Variants in AFF4 observed in about 807,000 individuals in gnomAD.
AFF4 encodes AF4/FMR2 family member 4.
In AFF4, 13 loss-of-function variants were observed where a neutral mutation model predicts 124.8. The ratio of observed to expected loss-of-function variants is 0.10; its 90% CI spans 0.07 to 0.17. AFF4 has a LOEUF of 0.17. Among genes scored for constraint, AFF4 ranks in the 10% least tolerant of loss-of-function variants. The pLI is 1.00. For missense variants in AFF4, 1,092 were observed against 1,403.8 expected, an observed-to-expected ratio of 0.78 and a Z score of 3.55; for synonymous variants, 477 against 496.1, an observed-to-expected ratio of 0.96 and a Z score of 0.51.
chr5:132,914,535 A>G (rs1760865330), intron 5 of AFF4, among the ~76,000 whole-genome samples: 1 of 151,726 alleles, frequency 6.6e-6, no homozygotes, highest in Admixed American at 6.6e-5. Context: ...CGGAAGGTGG[A>G]GGTTGCAGTG....
chr5:132,953,366 A>G (rs940521276), intron 1 of AFF4, among the ~76,000 whole-genome samples: 5 of 151,982 alleles, frequency 3.3e-5, no homozygotes, highest in African/African-American at 9.7e-5. Context: ...CAGCCTCCTG[A>G]GTAGCTGGGA....
chr5:132,893,006 A>AT, intron 12 of AFF4, 24 bp downstream of exon 12: 1 of 1,604,318 alleles, frequency 6.2e-7, no homozygotes, highest in Non-Finnish European at 8.5e-7. Context: ...CAACACTGGC[A>AT]TGCAACATGT....
chr5:132,918,814 CTATA>C (rs1489492052), intron 5 of AFF4, among the ~76,000 whole-genome samples: 2 of 151,714 alleles, frequency 1.3e-5, no homozygotes, highest in Non-Finnish European at 2.9e-5. Context: ...CCAAATTGAT[CTATA>C]GATCCAACAC....
intron 13 of AFF4, among the ~76,000 whole-genome samples, chr5:132,891,051 C>T (rs895694911): frequency 1.3e-5 from 2 of 151,016 alleles, no homozygotes; most frequent in South Asian, 2.1e-4. Flanking sequence ...TTTAAAAAAG[C>T]AATAGCAGGT....
intron 1 of AFF4, among the ~76,000 whole-genome samples, chr5:132,961,302 A>G (rs746919429): frequency 2.6e-5 from 4 of 152,028 alleles, no homozygotes; most frequent in Admixed American, 6.6e-5. Flanking sequence ...GGCATGTACC[A>G]CCATGTCTGG....
chr5:132,907,341 CTT>C (rs898056061), intron 5 of AFF4, among the ~76,000 whole-genome samples: 9 of 152,136 alleles, frequency 5.9e-5, no homozygotes, highest in African/African-American at 1.2e-4. Context: ...CCCAATGACT[CTT>C]TGTTTTTTCC....
chr5:132,951,466 T>C (rs1361327266), intron 1 of AFF4, among the ~76,000 whole-genome samples: 1 of 152,212 alleles, frequency 6.6e-6, no homozygotes, highest in Non-Finnish European at 1.5e-5. Context: ...CCAAGTATTC[T>C]CTCCCCCTGT....
At chr5:132,955,129 CAT>C (rs1480637061) in intron 1 of AFF4, among the ~76,000 whole-genome samples, 1 of 152,132 alleles carries the variant, frequency 6.6e-6, no homozygotes, top group African/African-American at 2.4e-5. Context: ...CTCTCCAACC[CAT>C]AGTCTCCGGT....
chr5:132,924,408 T>C (rs952662672), intron 5 of AFF4, among the ~76,000 whole-genome samples: 2 of 152,082 alleles, frequency 1.3e-5, no homozygotes, highest in African/African-American at 2.4e-5. Context: ...GCAAAACTTA[T>C]CTAGAGTGAC....
At chr5:132,881,735 G>A (rs1759983067) in intron 20 of AFF4, among the ~76,000 whole-genome samples, 1 of 151,882 alleles carries the variant, frequency 6.6e-6, no homozygotes, top group Non-Finnish European at 1.5e-5. Flanking sequence ...CGCCCAGGCT[G>A]GAGTGCAGTG....
chr5:132,910,281 A>G (rs1760764627), intron 5 of AFF4, among the ~76,000 whole-genome samples: 1 of 152,196 alleles, frequency 6.6e-6, no homozygotes, highest in East Asian at 1.9e-4. Context: ...AATATACTAA[A>G]CCAGCTCCCC....
At chr5:132,947,985 T>C (rs1761740371) in intron 1 of AFF4, among the ~76,000 whole-genome samples, 1 of 152,206 alleles carries the variant, frequency 6.6e-6, no homozygotes. Flanking sequence ...CACATCCTTA[T>C]GTATTATGTG....
At chr5:132,886,527 C>T (rs1362298359) in intron 17 of AFF4, 124 bp from the exon 18 acceptor site, 4 of 779,206 alleles carry the variant, frequency 5.1e-6, no homozygotes, top group Non-Finnish European at 8.3e-6. Flanking sequence ...ACAACATTAA[C>T]CGTTAGGCAA....
At chr5:132,910,899 GGTGA>G (rs987125850) in intron 5 of AFF4, among the ~76,000 whole-genome samples, 6 of 152,146 alleles carry the variant, frequency 3.9e-5, no homozygotes, top group South Asian at 2.1e-4. Context: ...TTCCAAACAT[GGTGA>G]GTAAGTGCAA....
Position 132,877,734 on chromosome 5 carries a change from T to G in AFF4, c.*3325A>C, listed in dbSNP as rs779260515. ...CAAGTGCCTTTTGTAGGCTCTTGCT[T>G]CAGAATGCAAGCTCATTCATGAAGA... is the stretch of plus-strand genomic sequence containing the variant. On this transcript the variant is annotated 3_prime_UTR_variant, in exon 21 of 21. Transcript: ENST00000265343. 9.4e-6 allele frequency: 2 copies of G among 212,112 alleles called. No individual in the cohort carries two copies. The highest frequency in any genetic ancestry group is 2.3e-5 in the African/African-American group (1 of 44,160). The allele number at this position is 212,112 out of a possible 1,614,324, so 13.1% of individuals were successfully genotyped here.
At chr5:132,943,869 T>C (rs991500897) in intron 1 of AFF4, 4 of 220,092 alleles carry the variant, frequency 1.8e-5, no homozygotes, top group Non-Finnish European at 3.0e-5. Flanking sequence ...GCAAGTTTCC[T>C]GAGCTGAAGG....
intron 19 of AFF4, among the ~76,000 whole-genome samples, chr5:132,884,767 A>T (rs1760073319): frequency 1.3e-5 from 2 of 152,228 alleles, no homozygotes; most frequent in African/African-American, 2.4e-5. Context: ...CCAAGATCTG[A>T]CTAAAGATAA....
chr5:132,898,060 AAAC>A (rs1360336698), intron 10 of AFF4, among the ~76,000 whole-genome samples, 167 bp downstream of exon 10: 2 of 152,240 alleles, frequency 1.3e-5, no homozygotes, highest in African/African-American at 4.8e-5. Context: ...GAATTTGTTC[AAAC>A]AACAAGGAAC....
Position 132,934,955 on chromosome 5 carries a change from A to C in AFF4, c.124-14T>G. 3 of 1,481,878 alleles carry C rather than the reference A, an allele frequency of 2.0e-6. No individual in the cohort carries two copies. The highest frequency in any genetic ancestry group is 2.7e-6 in the Non-Finnish European group (3 of 1,107,870). The allele number at this position is 1,481,878 out of a possible 1,614,324, so 91.8% of individuals were successfully genotyped here. On this transcript the variant is annotated splice_polypyrimidine_tract_variant and intron_variant, in intron 2 of 20. Coordinates refer to ENST00000265343, the MANE Select transcript of AFF4 (RefSeq NM_014423.4). ...TTCTTTGCTAGTCTACAAAAAAATA[A>C]AATAAAATAAAATTATAAAATGAGC...
Sources: gnomAD v4.1 joint callset for allele counts (sites outside exome capture counted in the v4.1 genomes callset) on GRCh38, gnomAD v4.1.1 for gene constraint, MANE v1.5 for transcripts, NCBI Gene and HGNC (gene_info 2026-07-23, HGNC 2026-07-21) for gene names.